The following PCDHGA1 variants were observed in gnomAD, a reference collection of about 807,000 sequenced individuals.
PCDHGA1 encodes protocadherin gamma-A1.
In PCDHGA1, 32 loss-of-function variants were observed where a neutral mutation model predicts 58.0. The observed-to-expected ratio is 0.55, with a 90% confidence interval of 0.42 to 0.74. The LOEUF is 0.74. Ranked by LOEUF, PCDHGA1 falls within the 30% of genes least tolerant of loss-of-function variation. PCDHGA1 has a pLI of 0.00. For missense variants in PCDHGA1, 1,205 were observed against 1,182.3 expected, an observed-to-expected ratio of 1.02 and a Z score of -0.28; for synonymous variants, 498 against 501.1, an observed-to-expected ratio of 0.99 and a Z score of 0.08.
chr5:141,337,186 GAC>G (rs1756663884), intron 1 of PCDHGA1, among the ~76,000 whole-genome samples: 1 of 152,176 alleles, frequency 6.6e-6, no homozygotes, highest in Admixed American at 6.5e-5. Flanking sequence ...AATATAAAAT[GAC>G]ACAACTGCTG....
intron 1 of PCDHGA1, chr5:141,478,473 A>G (rs2099458384): frequency 6.2e-7 from 1 of 1,613,742 alleles, no homozygotes; most frequent in African/African-American, 1.3e-5. Context: ...GCCAGCCGCC[A>G]GAACACGCTG....
chr5:141,453,204 C>T (rs1345502837), intron 1 of PCDHGA1, among the ~76,000 whole-genome samples: 1 of 152,260 alleles, frequency 6.6e-6, no homozygotes, highest in East Asian at 1.9e-4. Flanking sequence ...GCCTCAACCT[C>T]GTGCACTTAA....
At chr5:141,510,626 AGGTG>A (rs2099882005) in intron 3 of PCDHGA1, among the ~76,000 whole-genome samples, 1 of 152,144 alleles carries the variant, frequency 6.6e-6, no homozygotes, top group Admixed American at 6.5e-5. Context: ...AAACCAGAAG[AGGTG>A]GTTACCATTA....
chr5:141,415,740 GTTTTTTTTTTTTTTTTT>G (rs57426385), intron 1 of PCDHGA1: 62 of 625,030 alleles, frequency 9.9e-5, no homozygotes, highest in East Asian at 4.1e-4. Flanking sequence ...GTTTATTAAG[GTTTTTTTTTTTTTTTTT>G]TTTTTTTTTT....
In PCDHGA1 at chr5:141,351,767, G is replaced by T. The variant is rs371048978; in HGVS notation, c.2421+18662G>T. 4.9e-5 allele frequency: 79 copies of T among 1,613,418 alleles called. 2 individuals carry two copies. The highest frequency in any genetic ancestry group is 9.3e-6 in the Non-Finnish European group (11 of 1,179,914). On this transcript the variant is annotated intron_variant, in intron 1 of 3. Coordinates refer to ENST00000517417, the MANE Select transcript of PCDHGA1 (RefSeq NM_018912.3). Reference sequence around the variant, plus strand: ...GCGGGAGCTGTTGTCCTACGTGTCCGTGAGCCCGCAGAGCGGGGTGGTGTT... The same window carrying T: ...GCGGGAGCTGTTGTCCTACGTGTCCTTGAGCCCGCAGAGCGGGGTGGTGTT...
At chr5:141,360,636 A>G (rs550512719) in intron 1 of PCDHGA1, 9 of 1,614,030 alleles carry the variant, frequency 5.6e-6, no homozygotes, top group Admixed American at 5.0e-5. Context: ...CTAACTCACT[A>G]CAAAGATACC....
chr5:141,351,181 G>C (rs200349180), intron 1 of PCDHGA1: 2 of 1,613,920 alleles, frequency 1.2e-6, no homozygotes, highest in African/African-American at 2.7e-5. Context: ...ATTTTGAAGA[G>C]ACAAGTAGAT....
intron 1 of PCDHGA1, chr5:141,392,442 A>C (rs1355396676): frequency 1.2e-5 from 2 of 161,844 alleles, no homozygotes; most frequent in East Asian, 3.6e-4. Context: ...TGTTTCTTTT[A>C]AAATATGGGT....
At chr5:141,389,724 C>A in intron 1 of PCDHGA1, 3 of 1,612,722 alleles carry the variant, frequency 1.9e-6, no homozygotes, top group African/African-American at 1.3e-5. Context: ...CGAGCCCGGG[C>A]TCTTCAGCCT....
chr5:141,419,715 T>A, intron 1 of PCDHGA1: 5 of 1,613,288 alleles, frequency 3.1e-6, no homozygotes, highest in Non-Finnish European at 4.2e-6. Context: ...CTCTTCAGCC[T>A]GGGGCTGCGA....
At chr5:141,400,904 T>C (rs958521699) in intron 1 of PCDHGA1, among the ~76,000 whole-genome samples, 14 of 152,250 alleles carry the variant, frequency 9.2e-5, no homozygotes, top group African/African-American at 3.4e-4. Context: ...TAATTCATCT[T>C]TTAAAGCAAA....
Position 141,366,401 on chromosome 5 carries a change from C to T in PCDHGA1, c.2421+33296C>T, listed in dbSNP as rs770890042. On this transcript the variant is annotated intron_variant, in intron 1 of 3. Transcript: ENST00000517417. ...TGACCCTGAGGATCTGGACCTCACA[C>T]TCTATCTTGTGGTGGCAGTGGCTGC... The T allele has an allele frequency of 1.4e-5, 22 of 1,614,202 alleles. No individual in the cohort carries two copies. In the East Asian group the frequency reaches 4.5e-4, roughly 33 times the overall value.
chr5:141,419,108 G>C (rs1449189374), intron 1 of PCDHGA1: 2 of 1,613,792 alleles, frequency 1.2e-6, no homozygotes, highest in African/African-American at 1.3e-5. Flanking sequence ...GCAGACCCCA[G>C]AGTACAACGT....
intron 1 of PCDHGA1, chr5:141,433,007 C>CT: frequency 6.2e-7 from 1 of 1,614,198 alleles, no homozygotes; most frequent in Non-Finnish European, 8.5e-7. Context: ...GCAGGCTTTC[C>CT]TGCAGACCTA....
At position 141,362,507 on chromosome 5, in the gene PCDHGA1, C is replaced by T. The variant is rs746688845; in HGVS notation, c.2421+29402C>T. ...GACAATGCCTCTTGGGAACAAAATA[C>T]AAATCATGGAGCCGCTGGGGTCCCT... On this transcript the variant is annotated intron_variant, in intron 1 of 3. Transcript: ENST00000517417. 8 of 1,613,994 alleles carry T rather than the reference C, an allele frequency of 5.0e-6. No homozygotes were observed. The highest frequency in any genetic ancestry group is 5.9e-6 in the Non-Finnish European group (7 of 1,179,876).
rs965654428 is a variant in PCDHGA1 at position 141,332,183 on chromosome 5, C to T, written c.1499C>T (p.Pro500Leu). ...SLIEDTIQGA[P>L]LSAYLSINSD... Reference sequence around the variant, plus strand: ...ATAGAGGACACTATCCAGGGGGCACCCCTATCTGCCTACCTCTCCATCAAC... The same window carrying T: ...ATAGAGGACACTATCCAGGGGGCACTCCTATCTGCCTACCTCTCCATCAAC... The change falls in exon 1 of 4, where the codon CCC (proline) becomes CTC (leucine). Residue 500 changes from proline (P) to leucine (L), a missense_variant. Pro to Leu is a moderately conservative substitution (Grantham distance 98). Coordinates refer to ENST00000517417, the MANE Select transcript of PCDHGA1 (RefSeq NM_018912.3). The surrounding 1 kb of genome is among the most constrained non-coding windows in gnomAD (Gnocchi z 4.6). 7 of 1,614,094 alleles carry T rather than the reference C, an allele frequency of 4.3e-6. No homozygotes were observed. Among genetic ancestry groups the T allele is most frequent in the East Asian group, 2.2e-5 (1 of 44,890 alleles).
intron 1 of PCDHGA1, chr5:141,374,203 G>C: frequency 6.2e-7 from 1 of 1,613,926 alleles, no homozygotes; most frequent in East Asian, 2.2e-5. Context: ...AGGAGCTGGA[G>C]AAAGGCTCCT....
chr5:141,369,052 A>G (rs1386795265), intron 1 of PCDHGA1, among the ~76,000 whole-genome samples: 2 of 152,180 alleles, frequency 1.3e-5, no homozygotes. Flanking sequence ...ACAATACATT[A>G]TGTAGGCTAA....
Position 141,432,093 on chromosome 5 carries a change from C to G in PCDHGA1, c.2422-62714C>G. On this transcript the variant is annotated intron_variant, in intron 1 of 3. Coordinates refer to ENST00000517417, the MANE Select transcript of PCDHGA1 (RefSeq NM_018912.3). This position sits in a 1 kb window ranked among gnomAD's most constrained non-coding sequence, Gnocchi z 6.0. ...CATATCTCGCTGAACGTGGCAGACA[C>G]CAACGACAACCCGCCGGTCTTCCCT... 1 of 1,614,170 alleles carries G rather than the reference C, an allele frequency of 6.2e-7. No individual in the cohort carries two copies. The highest frequency in any genetic ancestry group is 8.5e-7 in the Non-Finnish European group (1 of 1,180,046).
Sources: allele counts gnomAD v4.1 joint callset (sites outside exome capture counted in the v4.1 genomes callset), GRCh38; gene constraint gnomAD v4.1.1; non-coding constraint Gnocchi (gnomAD v3.1); transcripts MANE v1.5; gene names NCBI Gene and HGNC (gene_info 2026-07-23, HGNC 2026-07-21).